Variants in MYO7A observed in about 807,000 individuals in gnomAD.
MYO7A encodes myosin VIIA, also known as unconventional myosin-VIIa.
MYO7A carries 210 observed loss-of-function variants against 263.8 expected under a neutral mutation model. The observed-to-expected ratio is 0.80, with a 90% CI of 0.71 to 0.89. The LOEUF is 0.89. MYO7A is among the 40% of genes least tolerant of loss of function. The pLI, the probability that MYO7A is intolerant of heterozygous loss-of-function variation, is 0.00. For missense variants in MYO7A, 2,820 were observed against 2,968.3 expected (o/e 0.95, Z 1.16); for synonymous variants, 1,239 against 1,197.3 (o/e 1.03, Z -0.72).
chr11:77,197,525 G>T lies in MYO7A; in HGVS notation c.4368G>T (p.Glu1456Asp). ...QRRTDAQKVK[E>D]DVVSYARFKW... ...GAACTGATGCCCAGAAGGTCAAAGA[G>T]GATGTGGTCAGTTATGCCCGCTTCA... Residue 1456 changes from glutamate (E) to aspartate (D), a missense_variant, in exon 33 of 49, where the codon GAG (glutamate) becomes GAT (aspartate). Transcript: ENST00000409709. 6.2e-7 allele frequency: 1 copy of T among 1,608,430 alleles called. No individual in the cohort carries two copies. Among genetic ancestry groups the T allele is most frequent in the Non-Finnish European group, 8.5e-7 (1 of 1,177,360 alleles).
At chr11:77,192,412 C>T in intron 31 of MYO7A, 134 bp downstream of exon 31, 2 of 894,148 alleles carry the variant, frequency 2.2e-6, no homozygotes, top group South Asian at 3.2e-5. Context: ...AGGCACTCTT[C>T]AGGCTCCTGG....
chr11:77,160,080 G>A, intron 10 of MYO7A, 83 bp from the exon 11 acceptor site: 1 of 1,503,440 alleles, frequency 6.7e-7, no homozygotes, highest in Non-Finnish European at 8.9e-7. Flanking sequence ...GGCCAGGCCA[G>A]TGCCGGAAAG....
chr11:77,172,730 T>C lies in MYO7A; in HGVS notation c.1798-18T>C, dbSNP rs1565382806. ...GGGCAGGCACAGCCCCTCCCATCGCTGCCGTCCGTCCCCCCAGGGCGCCGA... is the reference window on the plus strand; with the variant it reads ...GGGCAGGCACAGCCCCTCCCATCGCCGCCGTCCGTCCCCCCAGGGCGCCGA... On this transcript the variant is annotated intron_variant, in intron 15 of 48. Transcript: ENST00000409709. The C allele has an allele frequency of 1.3e-6, 2 of 1,550,184 alleles. No homozygotes were observed. The highest frequency in any genetic ancestry group is 4.9e-5 in the East Asian group (2 of 40,994).
At chr11:77,171,882 G>A (rs1373616179) in intron 15 of MYO7A, among the ~76,000 whole-genome samples, 1 of 152,202 alleles carries the variant, frequency 6.6e-6, no homozygotes, top group Non-Finnish European at 1.5e-5. Flanking sequence ...TTCTCAGAGG[G>A]GACCCCAGTA....
At chr11:77,169,351 T>C (rs547015344) in intron 15 of MYO7A, among the ~76,000 whole-genome samples, 1 of 152,356 alleles carries the variant, frequency 6.6e-6, no homozygotes, top group East Asian at 1.9e-4. Context: ...TCTTCTAGGA[T>C]ATTGAGTAGC....
intron 2 of MYO7A, among the ~76,000 whole-genome samples, chr11:77,135,916 ATGTT>A (rs1302736428): frequency 1.3e-5 from 2 of 151,982 alleles, no homozygotes; most frequent in Non-Finnish European, 2.9e-5. Flanking sequence ...TCCTATGCCT[ATGTT>A]TGTTTGTTTG....
intron 44 of MYO7A, chr11:77,210,792 G>T (rs1957810402): frequency 5.6e-6 from 1 of 179,784 alleles, no homozygotes; most frequent in Non-Finnish European, 1.2e-5. Flanking sequence ...TTCCAGAGGA[G>T]GATGGGCCCA....
intron 10 of MYO7A, 41 bp from the exon 11 acceptor site, chr11:77,160,122 G>T: frequency 6.5e-7 from 1 of 1,539,304 alleles, no homozygotes; most frequent in Non-Finnish European, 8.8e-7. Flanking sequence ...GGAGGGAGGG[G>T]CAGGCTGGCA....
chr11:77,163,231 G>T (rs1953184365), intron 14 of MYO7A, among the ~76,000 whole-genome samples: 1 of 152,062 alleles, frequency 6.6e-6, no homozygotes, highest in Non-Finnish European at 1.5e-5. Flanking sequence ...CCCAAACAGA[G>T]GCTCTGCAAG....
intron 14 of MYO7A, among the ~76,000 whole-genome samples, chr11:77,163,982 G>T (rs139786523): frequency 2.2e-4 from 32 of 148,134 alleles, no homozygotes; most frequent in South Asian, 1.0e-3. Context: ...AGAACAAGGT[G>T]GGGGGGGCTT....
At chr11:77,148,150 T>C (rs1297137261) in intron 4 of MYO7A, among the ~76,000 whole-genome samples, 200 bp downstream of exon 4, 1 of 152,182 alleles carries the variant, frequency 6.6e-6, no homozygotes, top group Non-Finnish European at 1.5e-5. Context: ...CTCATCCTCT[T>C]GGGCTGTGGC....
At chr11:77,163,451 A>C (rs960009294) in intron 14 of MYO7A, among the ~76,000 whole-genome samples, 15 of 152,348 alleles carry the variant, frequency 9.8e-5, no homozygotes, top group Admixed American at 9.1e-4. Flanking sequence ...TAGATGGTCC[A>C]GCCTACTACA....
chr11:77,129,963 C>T lies in MYO7A; in HGVS notation c.-46-626C>T, dbSNP rs191480534. Among the ~76,000 whole-genome samples the T allele has an allele frequency of 1.0e-3, 153 of 151,082 alleles. 1 individual carries two copies. The highest frequency in any genetic ancestry group is 3.3e-3 in the African/African-American group (137 of 41,352). On this transcript the variant is annotated intron_variant, in intron 1 of 48. Coordinates refer to ENST00000409709, the MANE Select transcript of MYO7A (RefSeq NM_000260.4). The stretch of plus-strand genomic sequence containing the variant: ...AGGGGCCAGATTGTGCTGGGCCTAG[C>T]GGGGCGGGCCCGGGCCCGGGCCCAG...
At chr11:77,201,882 T>G (rs1957086608) in intron 36 of MYO7A, among the ~76,000 whole-genome samples, 2 of 149,286 alleles carry the variant, frequency 1.3e-5, no homozygotes, top group African/African-American at 2.5e-5. Flanking sequence ...TGGAGAGAGG[T>G]GTATCACCCG....
At chr11:77,191,464 A>G (rs2135569375) in intron 30 of MYO7A, among the ~76,000 whole-genome samples, 1 of 152,212 alleles carries the variant, frequency 6.6e-6, no homozygotes, top group South Asian at 2.1e-4. Flanking sequence ...GGCTGATGGG[A>G]GGGCTGCGCA....
In MYO7A at chr11:77,157,284, G is replaced by A. The variant is rs1555063817; in HGVS notation, c.741G>A (p.Leu247=). ...LEKSRVCRQA[L]DERNYHVFYC... ...CACTGTGCCCACATTTTCAGGCCCTGGATGAAAGGAACTACCACGTGTTCT... is the reference window on the plus strand; with the variant it reads ...CACTGTGCCCACATTTTCAGGCCCTAGATGAAAGGAACTACCACGTGTTCT... The change falls in exon 8 of 49, where the codon CTG becomes CTA. Residue 247 remains leucine, a synonymous_variant. Coordinates refer to ENST00000409709, the MANE Select transcript of MYO7A (RefSeq NM_000260.4). 1.6e-5 allele frequency: 25 copies of A among 1,606,740 alleles called. No homozygotes were observed. The East Asian group carries it at 3.6e-4, about 23-fold the overall frequency.
In MYO7A at chr11:77,160,238, C is replaced by T. The variant is rs1952866054; in HGVS notation, c.1156C>T (p.Leu386=). ...ITRGETVSTP[L]SREQALDVRD... is the part of the protein sequence containing the mutation. ...CCGCGGGGAGACGGTGTCCACCCCA[C>T]TGAGCAGGGAACAGGCACTGGACGT... The change falls in exon 11 of 49, where the codon CTG becomes TTG. Residue 386 remains leucine, a synonymous_variant. Coordinates refer to ENST00000409709, the MANE Select transcript of MYO7A (RefSeq NM_000260.4). The T allele has an allele frequency of 1.3e-6, 2 of 1,580,726 alleles. No individual in the cohort carries two copies. Among genetic ancestry groups the T allele is most frequent in the East Asian group, 2.3e-5 (1 of 42,764 alleles).
chr11:77,205,827 G>A (rs1328077112), intron 40 of MYO7A, among the ~76,000 whole-genome samples: 1 of 152,176 alleles, frequency 6.6e-6, no homozygotes, highest in Admixed American at 6.5e-5. Flanking sequence ...TCAGCCCAGA[G>A]CTCCCAGGCT....
At chr11:77,213,245 C>T (rs1957986345) in intron 47 of MYO7A, among the ~76,000 whole-genome samples, 1 of 152,244 alleles carries the variant, frequency 6.6e-6, no homozygotes, top group Non-Finnish European at 1.5e-5. Context: ...CTAACAAACT[C>T]CTTCCTATGG....
Sources: gnomAD v4.1 joint callset for allele counts (sites outside exome capture counted in the v4.1 genomes callset) on GRCh38, gnomAD v4.1.1 for gene constraint, MANE v1.5 for transcripts, NCBI Gene and HGNC (gene_info 2026-07-23, HGNC 2026-07-21) for gene names.